The following GART variants were observed in gnomAD, a reference collection of about 807,000 sequenced individuals.
GART encodes phosphoribosylglycinamide formyltransferase, phosphoribosylglycinamide synthetase, phosphoribosylaminoimidazole synthetase, also known as trifunctional purine biosynthetic protein adenosine-3.
A neutral mutation model predicts 107.2 loss-of-function variants in GART; 43 were observed. The ratio of observed to expected loss-of-function variants is 0.40; its 90% CI spans 0.31 to 0.52. The LOEUF is 0.52. Ranked by LOEUF, GART falls within the 20% of genes least tolerant of loss-of-function variation. The probability of loss-of-function intolerance (pLI) is 0.52; values close to 1 mark genes in which losing one functional copy is unlikely to be tolerated. For synonymous variants in GART, 434 were observed against 427.0 expected (o/e 1.02, Z -0.20); for missense variants, 1,107 against 1,206.5 (o/e 0.92, Z 1.22).
intron 2 of GART, among the ~76,000 whole-genome samples, chr21:33,538,911 G>A (rs2085354148): frequency 6.6e-6 from 1 of 152,094 alleles, no homozygotes; most frequent in South Asian, 2.1e-4. Flanking sequence ...CTCCCGAGTA[G>A]CTGGGACTAC....
chr21:33,520,455 G>A lies in GART; in HGVS notation c.1611C>T (p.Tyr537=). The part of the protein sequence containing the change: ...QGAEPLFFLD[Y]FSCGKLDLSV... ...TGAGGTCAAGTTTTCCACAGGAAAAGTAATCAAGGAAGAAGAGGGGCTCTG... is the reference window on the plus strand; with the variant it reads ...TGAGGTCAAGTTTTCCACAGGAAAAATAATCAAGGAAGAAGAGGGGCTCTG... Residue 537 remains tyrosine (Y), a synonymous_variant, in exon 14 of 22, where the codon TAC becomes TAT. Transcript: ENST00000381815. 1 of 1,614,158 alleles carries A rather than the reference G, an allele frequency of 6.2e-7. No homozygotes were observed. The highest frequency in any genetic ancestry group is 8.5e-7 in the Non-Finnish European group (1 of 1,180,000).
intron 17 of GART, among the ~76,000 whole-genome samples, chr21:33,510,877 C>T (rs1037858601): frequency 6.6e-6 from 1 of 152,094 alleles, no homozygotes; most frequent in African/African-American, 2.4e-5. Flanking sequence ...AGTGGATTTT[C>T]TGCCCCTCTG....
chr21:33,538,906 G>A (rs565185900), intron 2 of GART, among the ~76,000 whole-genome samples: 6 of 152,018 alleles, frequency 3.9e-5, no homozygotes, highest in African/African-American at 4.8e-5. Flanking sequence ...TCAGCCTCCC[G>A]AGTAGCTGGG....
intron 14 of GART, among the ~76,000 whole-genome samples, chr21:33,518,253 C>T (rs1182968915): frequency 1.3e-5 from 2 of 152,140 alleles, no homozygotes; most frequent in South Asian, 2.1e-4. Flanking sequence ...GAGGCCGAGG[C>T]AGGTGGATCA....
chr21:33,520,589 C>A (rs2834232), intron 13 of GART, 27 bp from the exon 14 acceptor site: 56 of 1,585,590 alleles, frequency 3.5e-5, no homozygotes, highest in Non-Finnish European at 4.4e-5. Flanking sequence ...TAAACATCCA[C>A]ATTAGGGAAT....
chr21:33,520,696 TC>T (rs1413428293), intron 13 of GART, 134 bp from the exon 14 acceptor site: 12 of 760,962 alleles, frequency 1.6e-5, no homozygotes, highest in Non-Finnish European at 2.1e-5. Context: ...TCTAAAAGCA[TC>T]CCCTTTTATC....
chr21:33,506,011 C>A lies in GART; in HGVS notation c.2546G>T (p.Gly849Val). 6.2e-7 allele frequency: 1 copy of A among 1,614,200 alleles called. No individual in the cohort carries two copies. Among genetic ancestry groups the A allele is most frequent in the Non-Finnish European group, 8.5e-7 (1 of 1,180,038 alleles). ...ACCAGCTCTTTCCGCTTTATCTAAC[C>A]CAGCTACTGCGGCTTTGTTGGAGAT... ...IVISNKAAVA[G>V]LDKAERAGIP... The change falls in exon 19 of 22, where the codon GGG becomes GTG. Residue 849 changes from glycine (G) to valine (V), a missense_variant. Gly to Val is a moderately radical substitution (Grantham distance 109, BLOSUM62 -3). Transcript: ENST00000381815.
chr21:33,535,935 G>A (rs915603845), intron 2 of GART, among the ~76,000 whole-genome samples: 2 of 152,064 alleles, frequency 1.3e-5, no homozygotes, highest in Non-Finnish European at 2.9e-5. Context: ...GGCTGAGACA[G>A]GAGAATCGCT....
chr21:33,516,340 C>CTT (rs2084879220), intron 16 of GART, among the ~76,000 whole-genome samples: 1 of 150,336 alleles, frequency 6.7e-6, no homozygotes, highest in East Asian at 2.0e-4. Context: ...TTGGACTGTT[C>CTT]TTTTCAGTCA....
At position 33,520,937 on chromosome 21, in the gene GART, G is replaced by A. The variant is rs1418133940; in HGVS notation, c.1472C>T (p.Ser491Phe). The change falls in exon 13 of 22, where the codon TCT becomes TTT. Residue 491 changes from serine to phenylalanine, a missense_variant. By Grantham distance (155) the Ser-to-Phe change is radical. Transcript: ENST00000381815. The part of the protein sequence containing the change: ...AAGFKDPLLA[S>F]GTDGVGTKLK... ...TTTAGTTCCAACGCCATCTGTTCCA[G>A]AGGCCAGAAGGGGATCTTTGAAACC... The A allele has an allele frequency of 6.2e-7, 1 of 1,613,844 alleles. No individual in the cohort carries two copies. Among genetic ancestry groups the A allele is most frequent in the East Asian group, 2.2e-5 (1 of 44,856 alleles).
At chr21:33,507,770 T>C (rs2084708130) in intron 18 of GART, among the ~76,000 whole-genome samples, 1 of 152,126 alleles carries the variant, frequency 6.6e-6, no homozygotes, top group Non-Finnish European at 1.5e-5. Flanking sequence ...AGGCGGAGTT[T>C]GCAGTGAGCC....
rs756002384 is a variant in GART, at chr21:33,522,248, C to T, written c.1333G>A (p.Ala445Thr). 1.9e-5 allele frequency: 30 copies of T among 1,613,688 alleles called. No homozygotes were observed. Among genetic ancestry groups the T allele is most frequent in the Admixed American group, 1.3e-4 (8 of 59,986 alleles). ...LTYKESGVDI[A>T]AGNMLVKKIQ... The stretch of plus-strand genomic sequence containing the variant: ...TTCTTGACCAGCATATTTCCAGCTG[C>T]GATATCTACTCCAGATTCCTTGTAA... Residue 445 changes from alanine (A) to threonine (T), a missense_variant, in exon 12 of 22, where the codon GCA (alanine) becomes ACA (threonine). By Grantham distance (58) the Ala-to-Thr change is moderately conservative. Transcript: ENST00000381815.
intron 1 of GART, among the ~76,000 whole-genome samples, chr21:33,540,391 A>G (rs2085390159): frequency 6.6e-6 from 1 of 152,216 alleles, no homozygotes; most frequent in Non-Finnish European, 1.5e-5. Context: ...AACCTCATTT[A>G]TTTCCTGTTC....
At chr21:33,512,289 GAAAAAAAA>G (rs563178142) in intron 16 of GART, among the ~76,000 whole-genome samples, 1 of 65,444 alleles carries the variant, frequency 1.5e-5, no homozygotes, top group Non-Finnish European at 2.7e-5. Context: ...GACTCAAATT[GAAAAAAAA>G]AAAAAAAAAA....
rs751651178 is a variant in GART at position 33,504,243 on chromosome 21, G to C, written c.2914C>G (p.Leu972Val). ...TCTGCTAATTTTACTCTTTCAGAAA[G>C]AGTTGCGACAGTATCACCCCTCTTC... ...PVKRGDTVAT[L>V]SERVKLAEHK... The change falls in exon 22 of 22, where the codon CTT becomes GTT. Residue 972 changes from leucine to valine, a missense_variant. Transcript: ENST00000381815. The C allele has an allele frequency of 6.2e-7, 1 of 1,614,194 alleles. No individual in the cohort carries two copies. Among genetic ancestry groups the C allele is most frequent in the Non-Finnish European group, 8.5e-7 (1 of 1,180,022 alleles).
intron 18 of GART, among the ~76,000 whole-genome samples, chr21:33,507,517 A>G (rs1259971334): frequency 6.6e-6 from 1 of 152,140 alleles, no homozygotes; most frequent in Non-Finnish European, 1.5e-5. Flanking sequence ...AATTTATTAC[A>G]CATTTTAAAA....
chr21:33,531,136 T>A, intron 6 of GART: 1 of 390,382 alleles, frequency 2.6e-6, no homozygotes, highest in Non-Finnish European at 4.4e-6. Context: ...AGTAAAAGAT[T>A]TCAACCTTTC....
intron 11 of GART, among the ~76,000 whole-genome samples, chr21:33,523,262 C>A (rs1301959777): frequency 6.6e-6 from 1 of 152,114 alleles, no homozygotes. Flanking sequence ...AAAAAGCTGC[C>A]AGAATACAGT....
chr21:33,541,559 G>A (rs1019090694), intron 1 of GART, among the ~76,000 whole-genome samples: 2 of 152,230 alleles, frequency 1.3e-5, no homozygotes, highest in East Asian at 1.9e-4. Context: ...CCAGTGGTGA[G>A]GACGCCTGGG....
Sources: allele counts gnomAD v4.1 joint callset (sites outside exome capture counted in the v4.1 genomes callset), GRCh38; gene constraint gnomAD v4.1.1; transcripts MANE v1.5; gene names NCBI Gene and HGNC (gene_info 2026-07-23, HGNC 2026-07-21).